The following ETV6 variants were observed in gnomAD, a reference collection of about 807,000 sequenced individuals.
ETV6 encodes ETS variant transcription factor 6, also known as transcription factor ETV6.
Under a neutral mutation model 51.1 loss-of-function variants are expected in ETV6, and 16 were observed. The ratio of observed to expected loss-of-function variants is 0.31; its 90% CI spans 0.21 to 0.48. ETV6 has a LOEUF of 0.48. Ranked by LOEUF, ETV6 falls within the 20% of genes least tolerant of loss-of-function variation. The pLI, the probability that ETV6 is intolerant of heterozygous loss-of-function variation, is 0.99. For synonymous variants in ETV6, 240 were observed against 224.1 expected (o/e 1.07, Z -0.64); for missense variants, 458 against 594.8 (o/e 0.77, Z 2.39).
Position 11,891,674 on chromosome 12 carries a change from C to T in ETV6, c.*628C>T. The T allele has an allele frequency of 4.0e-6, 2 of 505,280 alleles. No individual in the cohort carries two copies. The highest frequency in any genetic ancestry group is 7.6e-6 in the Non-Finnish European group (2 of 263,394). 31.3% of individuals were successfully genotyped at this position (505,280 alleles called of 1,614,324 possible). A position where few individuals can be genotyped will look rare whatever the true frequency, so the allele number is the denominator to read the frequency against. Reference sequence around the variant, plus strand: ...TTTTTCTCTCTCTTGCTCTGTTCTTCCCTTGGTCCCCTCTGTCCTCCCGCC... The same window carrying T: ...TTTTTCTCTCTCTTGCTCTGTTCTTTCCTTGGTCCCCTCTGTCCTCCCGCC... On this transcript the variant is annotated 3_prime_UTR_variant, in exon 8 of 8. Coordinates refer to ENST00000396373, the MANE Select transcript of ETV6 (RefSeq NM_001987.5).
At chr12:11,761,439 C>G (rs1945084761) in intron 2 of ETV6, among the ~76,000 whole-genome samples, 1 of 152,110 alleles carries the variant, frequency 6.6e-6, no homozygotes, top group Non-Finnish European at 1.5e-5. Flanking sequence ...GGTTCCTTGT[C>G]TATTATTTTC....
rs1469569502 is a variant in ETV6 at position 11,654,692 on chromosome 12, T to C, written c.33+4532T>C. ...AGAAGAAGGGCCTGACGGACTTGTATTGGCACCACTATTTGCATCAATATA... is the reference window on the plus strand; with the variant it reads ...AGAAGAAGGGCCTGACGGACTTGTACTGGCACCACTATTTGCATCAATATA... On this transcript the variant is annotated intron_variant, in intron 1 of 7. Transcript: ENST00000396373. Among the ~76,000 whole-genome samples, 3 of 152,112 alleles carry C rather than the reference T, an allele frequency of 2.0e-5. No individual in the cohort carries two copies. The East Asian group carries it at 5.8e-4, about 29-fold the overall frequency.
At chr12:11,673,485 T>C (rs917238873) in intron 1 of ETV6, among the ~76,000 whole-genome samples, 3 of 152,178 alleles carry the variant, frequency 2.0e-5, no homozygotes, top group Non-Finnish European at 4.4e-5. Flanking sequence ...AAGAGTTCTA[T>C]ATGGAACAAA....
intron 1 of ETV6, among the ~76,000 whole-genome samples, chr12:11,707,384 C>A (rs142413425): frequency 2.6e-5 from 4 of 152,206 alleles, no homozygotes; most frequent in African/African-American, 9.6e-5. Context: ...GGAATCGCAG[C>A]GCTTCTCTAC....
chr12:11,733,090 A>G (rs1317523919), intron 1 of ETV6, among the ~76,000 whole-genome samples: 1 of 152,182 alleles, frequency 6.6e-6, no homozygotes, highest in Non-Finnish European at 1.5e-5. Flanking sequence ...TGTCTGGCAC[A>G]TGGAAGGTAC....
intron 5 of ETV6, among the ~76,000 whole-genome samples, chr12:11,874,652 A>G (rs373393096): frequency 0.4 from 3,548 of 8,810 alleles, 1,506 homozygotes; most frequent in Non-Finnish European, 0.57. Flanking sequence ...ATATACACAT[A>G]TGTGTGTATA....
At chr12:11,722,631 G>T (rs1358329960) in intron 1 of ETV6, among the ~76,000 whole-genome samples, 1 of 152,170 alleles carries the variant, frequency 6.6e-6, no homozygotes, top group Non-Finnish European at 1.5e-5. Context: ...AGTCAGAAAA[G>T]CCAAACTGAT....
intron 1 of ETV6, among the ~76,000 whole-genome samples, chr12:11,708,912 A>G (rs770944604): frequency 6.6e-6 from 1 of 152,176 alleles, no homozygotes; most frequent in Non-Finnish European, 1.5e-5. Flanking sequence ...CTTAAAATCC[A>G]TTCGAAAAGG....
chr12:11,762,817 C>T (rs1038403048), intron 2 of ETV6, among the ~76,000 whole-genome samples: 11 of 152,134 alleles, frequency 7.2e-5, no homozygotes, highest in African/African-American at 2.4e-4. Flanking sequence ...AGAAAAGACT[C>T]GCCCAAAGCA....
intron 2 of ETV6, among the ~76,000 whole-genome samples, chr12:11,781,677 C>T (rs1466984381): frequency 1.3e-5 from 2 of 152,162 alleles, no homozygotes; most frequent in Non-Finnish European, 2.9e-5. Flanking sequence ...GGACTATAGC[C>T]AAAGTCAGAA....
At chr12:11,678,669 C>T (rs971187289) in intron 1 of ETV6, among the ~76,000 whole-genome samples, 1 of 152,102 alleles carries the variant, frequency 6.6e-6, no homozygotes, top group Non-Finnish European at 1.5e-5. Context: ...GAAATTGGCT[C>T]ACGTGATTAT....
chr12:11,673,101 G>C (rs552815873), intron 1 of ETV6, among the ~76,000 whole-genome samples: 1 of 152,244 alleles, frequency 6.6e-6, no homozygotes, highest in African/African-American at 2.4e-5. Flanking sequence ...AGCTGCTGGA[G>C]CTGGGTAACT....
At chr12:11,834,946 G>A (rs1347826034) in intron 2 of ETV6, among the ~76,000 whole-genome samples, 1 of 152,164 alleles carries the variant, frequency 6.6e-6, no homozygotes, top group Non-Finnish European at 1.5e-5. Context: ...GTTAATTCAT[G>A]GCAGATCTGG....
chr12:11,853,489 T>C lies in ETV6; in HGVS notation c.391T>C (p.Ser131Pro). Reference protein sequence around the residue: ...LKQRKPRILFSPFFHPGNSIH... With the variant: ...LKQRKPRILFPPFFHPGNSIH... ...GCAGAGGAAACCTCGGATTCTTTTT[T>C]CACCATTCTTCCACCCTGGAAACTC... The change falls in exon 4 of 8, where the codon TCA becomes CCA. Residue 131 changes from serine to proline, a missense_variant. Physicochemically the swap from Ser to Pro is moderately conservative, Grantham distance 74 (BLOSUM62 -1). This residue lies in a region of ETV6 where 293 missense variants were observed against 315.7 expected (regional missense o/e 0.93). Transcript: ENST00000396373. The C allele has an allele frequency of 6.2e-7, 1 of 1,614,252 alleles. No homozygotes were observed. Among genetic ancestry groups the C allele is most frequent in the East Asian group, 2.2e-5 (1 of 44,892 alleles).
intron 1 of ETV6, among the ~76,000 whole-genome samples, chr12:11,685,525 G>T (rs533675141): frequency 6.6e-6 from 1 of 151,784 alleles, no homozygotes; most frequent in East Asian, 1.9e-4. Context: ...TTTTTCTAAT[G>T]ACTTTTTAAT....
At chr12:11,790,640 C>T (rs1364809286) in intron 2 of ETV6, among the ~76,000 whole-genome samples, 15 of 148,758 alleles carry the variant, frequency 1.0e-4, no homozygotes, top group Non-Finnish European at 1.2e-4. Flanking sequence ...ATATAATTTC[C>T]GTTAATTCCA....
intron 2 of ETV6, among the ~76,000 whole-genome samples, chr12:11,818,873 A>G (rs1437694248): frequency 6.6e-6 from 1 of 151,846 alleles, no homozygotes; most frequent in Non-Finnish European, 1.5e-5. Flanking sequence ...CTGCAGAGGG[A>G]TCAGCTGTCA....
At chr12:11,707,628 A>G (rs1286877212) in intron 1 of ETV6, among the ~76,000 whole-genome samples, 2 of 152,144 alleles carry the variant, frequency 1.3e-5, no homozygotes, top group East Asian at 3.9e-4. Context: ...TTTTCTTCTC[A>G]ATTTCTCCCC....
At chr12:11,759,655 T>C (rs867934588) in intron 2 of ETV6, among the ~76,000 whole-genome samples, 1 of 152,180 alleles carries the variant, frequency 6.6e-6, no homozygotes, top group African/African-American at 2.4e-5. Flanking sequence ...ACGTCTGTGG[T>C]CTTTCTCTCG....
Sources: allele counts gnomAD v4.1 joint callset (sites outside exome capture counted in the v4.1 genomes callset), GRCh38; gene constraint gnomAD v4.1.1; regional missense constraint gnomAD v4.1.1; transcripts MANE v1.5; gene names NCBI Gene and HGNC (gene_info 2026-07-23, HGNC 2026-07-21).